The following CDK19 variants were observed in gnomAD, a reference collection of about 807,000 sequenced individuals.
CDK19 encodes cyclin-dependent kinase 19.
In CDK19, 20 loss-of-function variants were observed where a neutral mutation model predicts 68.3. That is an observed-to-expected ratio of 0.29 (90% CI 0.21 to 0.43). CDK19 has a LOEUF of 0.43. CDK19 is among the 20% of genes least tolerant of loss of function. CDK19 has a pLI of 1.00. For synonymous variants in CDK19, 221 were observed against 222.8 expected, an observed-to-expected ratio of 0.99 and a Z score of 0.07; for missense variants, 339 against 623.5, an observed-to-expected ratio of 0.54 and a Z score of 4.86.
chr6:110,790,269 C>T (rs1410985568), intron 1 of CDK19, among the ~76,000 whole-genome samples: 1 of 152,192 alleles, frequency 6.6e-6, no homozygotes, highest in East Asian at 1.9e-4. Flanking sequence ...GTCATGGTGG[C>T]TCACGCCTGT....
chr6:110,660,003 C>T (rs1448379924), intron 4 of CDK19, among the ~76,000 whole-genome samples: 1 of 152,008 alleles, frequency 6.6e-6, no homozygotes, highest in African/African-American at 2.4e-5. Flanking sequence ...TTAATTTTTG[C>T]TCTGTTTTGT....
chr6:110,738,062 G>C (rs931038665), intron 2 of CDK19, among the ~76,000 whole-genome samples: 1 of 152,058 alleles, frequency 6.6e-6, no homozygotes, highest in Admixed American at 6.6e-5. Context: ...TCTACTTTGA[G>C]TGTTTTTTAC....
intron 2 of CDK19, among the ~76,000 whole-genome samples, chr6:110,688,729 G>A (rs112634775): frequency 8.5e-5 from 13 of 152,292 alleles, no homozygotes; most frequent in African/African-American, 3.1e-4. Flanking sequence ...GCAGTGGGAA[G>A]AGCCTTGCAT....
intron 2 of CDK19, among the ~76,000 whole-genome samples, chr6:110,708,273 C>T (rs890330514): frequency 8.5e-5 from 13 of 152,154 alleles, no homozygotes; most frequent in African/African-American, 2.9e-4. Context: ...CCATGCAGAT[C>T]ACTGTTGAAT....
At chr6:110,739,532 C>T (rs1777495020) in intron 2 of CDK19, among the ~76,000 whole-genome samples, 1 of 152,098 alleles carries the variant, frequency 6.6e-6, no homozygotes, top group Admixed American at 6.6e-5. Flanking sequence ...ACCCTACTTC[C>T]CCCTAATTTT....
At position 110,623,194 on chromosome 6, in the gene CDK19, A is replaced by G. The variant is rs188492920; in HGVS notation, c.933+96T>C. On this transcript the variant is annotated intron_variant, in intron 9 of 12. Coordinates refer to ENST00000368911, the MANE Select transcript of CDK19 (RefSeq NM_015076.5). ...ATTTAATTTTACCCCAGCATCCACTAATTTCTTTTGTTTCTAAAGAGGAGG... is the reference window on the plus strand; with the variant it reads ...ATTTAATTTTACCCCAGCATCCACTGATTTCTTTTGTTTCTAAAGAGGAGG... 4.0e-4 allele frequency: 399 copies of G among 985,536 alleles called. No individual in the cohort carries two copies. In the East Asian group the frequency reaches 9.2e-3, roughly 23 times the overall value. 61.0% of individuals were successfully genotyped at this position (985,536 alleles called of 1,614,324 possible). A position where few individuals can be genotyped will look rare whatever the true frequency, so the allele number is the denominator to read the frequency against.
chr6:110,696,215 T>TA (rs1773471265), intron 2 of CDK19, among the ~76,000 whole-genome samples: 1 of 152,206 alleles, frequency 6.6e-6, no homozygotes, highest in African/African-American at 2.4e-5. Flanking sequence ...ATAAATGTGA[T>TA]ACATCACATA....
At chr6:110,642,905 A>G (rs1168255295) in intron 4 of CDK19, among the ~76,000 whole-genome samples, 1 of 152,172 alleles carries the variant, frequency 6.6e-6, no homozygotes, top group African/African-American at 2.4e-5. Flanking sequence ...AAGGAAAAAG[A>G]AAGGAAATAT....
intron 12 of CDK19, among the ~76,000 whole-genome samples, chr6:110,620,486 A>G (rs1241930927): frequency 6.6e-6 from 1 of 152,082 alleles, no homozygotes; most frequent in African/African-American, 2.4e-5. Context: ...AAAATTTCCT[A>G]TGGTTATCAC....
rs149500356 is a variant in CDK19 at position 110,740,695 on chromosome 6, A to C, written c.204+5431T>G. On this transcript the variant is annotated intron_variant, in intron 2 of 12. Transcript: ENST00000368911. The stretch of plus-strand genomic sequence containing the variant: ...TTTTAAAGTAATGAGTGAAATGTTC[A>C]TTCCTAATTATTTCCGCCTTAAAAT... Among the ~76,000 whole-genome samples the C allele has an allele frequency of 2.5e-3, 378 of 152,324 alleles. 4 individuals carry two copies. The highest frequency in any genetic ancestry group is 8.8e-3 in the African/African-American group (365 of 41,578).
Position 110,622,835 on chromosome 6 carries a change from C to G in CDK19, c.1011G>C (p.Glu337Asp), listed in dbSNP as rs1778800562. 6.2e-7 allele frequency: 1 copy of G among 1,610,430 alleles called. No homozygotes were observed. The highest frequency in any genetic ancestry group is 8.5e-7 in the Non-Finnish European group (1 of 1,176,624). The change falls in exon 10 of 13, where the codon GAG (glutamate) becomes GAC (aspartate). Residue 337 changes from glutamate (E) to aspartate (D), a missense_variant. Transcript: ENST00000368911. ...CATACTCTAATGTTGGCAAAGGGTC[C>G]TCCTGAAAATAGGGATCCTGCAGAG... is the stretch of plus-strand genomic sequence containing the variant. Reference protein sequence around the residue: ...EQALQDPYFQEDPLPTLDVFA... With the variant: ...EQALQDPYFQDDPLPTLDVFA...
At chr6:110,766,887 C>T (rs995630037) in intron 1 of CDK19, among the ~76,000 whole-genome samples, 1 of 152,034 alleles carries the variant, frequency 6.6e-6, no homozygotes, top group Non-Finnish European at 1.5e-5. Flanking sequence ...GTAATCACAG[C>T]ACTTTGGGAG....
intron 4 of CDK19, among the ~76,000 whole-genome samples, chr6:110,653,774 T>C (rs1325893579): frequency 6.6e-6 from 1 of 152,236 alleles, no homozygotes; most frequent in East Asian, 1.9e-4. Context: ...ATTTACTTAA[T>C]GCTTTAATTT....
intron 4 of CDK19, among the ~76,000 whole-genome samples, chr6:110,658,382 G>C (rs1772936697): frequency 1.3e-5 from 2 of 152,130 alleles, no homozygotes; most frequent in Non-Finnish European, 2.9e-5. Context: ...TGCTAACTAT[G>C]CATTTTAAAA....
chr6:110,668,180 A>G (rs981651530), intron 3 of CDK19, among the ~76,000 whole-genome samples: 1 of 152,190 alleles, frequency 6.6e-6, no homozygotes, highest in African/African-American at 2.4e-5. Flanking sequence ...GGGTTATAAA[A>G]ACATTGTACT....
intron 1 of CDK19, among the ~76,000 whole-genome samples, chr6:110,776,063 C>T (rs953255224): frequency 1.3e-5 from 2 of 152,164 alleles, no homozygotes; most frequent in Non-Finnish European, 2.9e-5. Flanking sequence ...TCACAGAGTG[C>T]TATTTTATGC....
intron 1 of CDK19, among the ~76,000 whole-genome samples, chr6:110,771,025 T>A (rs919458061): frequency 6.6e-6 from 1 of 152,166 alleles, no homozygotes; most frequent in Non-Finnish European, 1.5e-5. Context: ...ATAGCCCCCC[T>A]CCTGGCTACT....
intron 1 of CDK19, among the ~76,000 whole-genome samples, chr6:110,803,203 C>T (rs1472552615): frequency 6.6e-6 from 1 of 152,124 alleles, no homozygotes; most frequent in Non-Finnish European, 1.5e-5. Flanking sequence ...CCTCAGCCTC[C>T]TGAGTAGCTG....
intron 2 of CDK19, among the ~76,000 whole-genome samples, chr6:110,714,743 T>A (rs1421937695): frequency 1.4e-5 from 2 of 144,782 alleles, no homozygotes; most frequent in African/African-American, 2.6e-5. Flanking sequence ...TTTTTTTTTT[T>A]AATTTTTTGA....
Sources: gnomAD v4.1 joint callset for allele counts (sites outside exome capture counted in the v4.1 genomes callset) on GRCh38, gnomAD v4.1.1 for gene constraint, MANE v1.5 for transcripts, NCBI Gene and HGNC (gene_info 2026-07-23, HGNC 2026-07-21) for gene names.